CFAP44: variants seen among roughly 807,000 people sequenced by gnomAD.
CFAP44 encodes cilia and flagella associated protein 44.
CFAP44 carries 134 observed loss-of-function variants against 216.2 expected under a neutral mutation model. That is an observed-to-expected ratio of 0.62 (90% confidence interval 0.54 to 0.72). CFAP44 has a LOEUF of 0.72. Ranked by LOEUF, CFAP44 falls within the 30% of genes least tolerant of loss-of-function variation. CFAP44 has a pLI of 0.00. For synonymous variants in CFAP44, 700 were observed against 727.6 expected (o/e 0.96, Z 0.61); for missense variants, 2,035 against 2,182.1 (o/e 0.93, Z 1.34).
intron 32 of CFAP44, among the ~76,000 whole-genome samples, chr3:113,303,577 T>C (rs1265204101): frequency 6.6e-6 from 1 of 152,186 alleles, no homozygotes; most frequent in Non-Finnish European, 1.5e-5. Flanking sequence ...AGCCACAGAA[T>C]TGCATTAGAA....
intron 18 of CFAP44, among the ~76,000 whole-genome samples, chr3:113,367,320 C>A (rs1932978140): frequency 6.6e-6 from 1 of 152,230 alleles, no homozygotes; most frequent in Admixed American, 6.5e-5. Flanking sequence ...CCAACAGACA[C>A]CTCATACAGG....
intron 22 of CFAP44, among the ~76,000 whole-genome samples, chr3:113,356,250 T>C (rs994180290): frequency 2.6e-5 from 4 of 151,034 alleles, no homozygotes; most frequent in African/African-American, 9.7e-5. Context: ...TAAGATAATA[T>C]TTATTATTTA....
At chr3:113,363,343 A>C (rs1379363343) in intron 20 of CFAP44, 36 bp from the exon 21 acceptor site, 2 of 1,584,744 alleles carry the variant, frequency 1.3e-6, no homozygotes, top group Non-Finnish European at 1.7e-6. Context: ...ACAGGTTGTG[A>C]TACAGAAACA....
At chr3:113,380,824 G>A (rs966602640) in intron 16 of CFAP44, 75 bp downstream of exon 16, 12 of 1,234,872 alleles carry the variant, frequency 9.7e-6, no homozygotes, top group Non-Finnish European at 1.2e-5. Flanking sequence ...TATTCCATCA[G>A]CACTTAACAT....
At position 113,330,339 on chromosome 3, in the gene CFAP44, C is replaced by G; in HGVS notation, c.3945G>C (p.Gly1315=). Residue 1315 remains glycine (G), a synonymous_variant, in exon 26 of 35, where the codon GGG becomes GGC. Coordinates refer to ENST00000393845, the MANE Select transcript of CFAP44 (RefSeq NM_001164496.2). ...ATATTGAATCACGGGTTGTCAAATC[C>G]CCATCCTTTCTAGAAGAGAGTTTGA... ...GFLKLSSRKD[G]DLTTRDSISR... The G allele has an allele frequency of 6.5e-7, 1 of 1,537,154 alleles. No individual in the cohort carries two copies. Among genetic ancestry groups the G allele is most frequent in the Non-Finnish European group, 8.7e-7 (1 of 1,146,874 alleles).
At chr3:113,348,103 T>C (rs574251988) in intron 22 of CFAP44, among the ~76,000 whole-genome samples, 6 of 152,270 alleles carry the variant, frequency 3.9e-5, no homozygotes, top group South Asian at 2.1e-4. Context: ...CCAGGGACCA[T>C]TGCAGGTTCT....
chr3:113,401,315 T>C (rs1187205626), intron 10 of CFAP44, 28 bp from the exon 11 acceptor site: 2 of 1,561,788 alleles, frequency 1.3e-6, no homozygotes, highest in African/African-American at 2.8e-5. Context: ...TATTTTGTTT[T>C]ATCATTTTAA....
chr3:113,418,851 C>T (rs375920426), intron 5 of CFAP44, among the ~76,000 whole-genome samples: 7 of 151,922 alleles, frequency 4.6e-5, no homozygotes, highest in African/African-American at 1.2e-4. Context: ...ATTACAGGCG[C>T]GTGCCACCAT....
At chr3:113,408,258 G>C (rs907200717) in intron 7 of CFAP44, among the ~76,000 whole-genome samples, 1 of 152,172 alleles carries the variant, frequency 6.6e-6, no homozygotes, top group East Asian at 1.9e-4. Flanking sequence ...GAAAGAGAGA[G>C]AAAGACAAGA....
chr3:113,341,149 G>A (rs902361647), intron 24 of CFAP44, among the ~76,000 whole-genome samples: 2 of 152,180 alleles, frequency 1.3e-5, no homozygotes, highest in African/African-American at 2.4e-5. Context: ...ATAGGCCCAG[G>A]ATAGGGGCAT....
intron 2 of CFAP44, among the ~76,000 whole-genome samples, chr3:113,429,418 G>A (rs1417793713): frequency 6.6e-6 from 1 of 151,870 alleles, no homozygotes; most frequent in East Asian, 1.9e-4. Flanking sequence ...TATTTTATCT[G>A]GTATTAATAT....
At chr3:113,427,485 G>T in intron 2 of CFAP44, 146 bp from the exon 3 acceptor site, 1 of 606,874 alleles carries the variant, frequency 1.6e-6, no homozygotes, top group Non-Finnish European at 2.8e-6. Context: ...ATTTTATTTG[G>T]TCAGTCTTGT....
Position 113,379,512 on chromosome 3 carries a change from A to G in CFAP44, c.2092T>C (p.Leu698=). ...CTTTCTTCCCTTATTTTCTCCTTCAACTCCCTTTGTCTCTCCCTCTTTTCA... is the reference window on the plus strand; with the variant it reads ...CTTTCTTCCCTTATTTTCTCCTTCAGCTCCCTTTGTCTCTCCCTCTTTTCA... The part of the protein sequence containing the change: ...EIEKRERQRE[L]KEKIREERRN... The change falls in exon 17 of 35, where the codon TTG becomes CTG. Residue 698 remains leucine, a synonymous_variant. Transcript: ENST00000393845. 1 of 1,599,658 alleles carries G rather than the reference A, an allele frequency of 6.3e-7. No individual in the cohort carries two copies. Among genetic ancestry groups the G allele is most frequent in the Non-Finnish European group, 8.6e-7 (1 of 1,168,510 alleles).
At chr3:113,412,365 G>A (rs889643108) in intron 6 of CFAP44, among the ~76,000 whole-genome samples, 37 of 151,670 alleles carry the variant, frequency 2.4e-4, no homozygotes, top group Middle Eastern at 3.2e-3. Context: ...GGTCTGGATC[G>A]GGACCCCTTT....
At chr3:113,305,971 A>G (rs1451609654) in intron 30 of CFAP44, among the ~76,000 whole-genome samples, 1 of 152,138 alleles carries the variant, frequency 6.6e-6, no homozygotes, top group East Asian at 1.9e-4. Context: ...TTTTTTACTT[A>G]TACAGTCATC....
intron 18 of CFAP44, among the ~76,000 whole-genome samples, chr3:113,366,996 C>T (rs562740834): frequency 6.6e-6 from 1 of 151,686 alleles, no homozygotes; most frequent in African/African-American, 2.4e-5. Context: ...GAGGCTGCAG[C>T]CCGGCGGGTG....
chr3:113,362,948 A>G lies in CFAP44; in HGVS notation c.2934+197T>C, dbSNP rs1045776816. 13 of 1,303,802 alleles carry G rather than the reference A, an allele frequency of 1.0e-5. No individual in the cohort carries two copies. In the Admixed American group the frequency reaches 2.7e-4, roughly 27 times the overall value. The allele number at this position is 1,303,802 out of a possible 1,614,324, so 80.8% of individuals were successfully genotyped here. A position where few individuals can be genotyped will look rare whatever the true frequency, so the allele number is the denominator to read the frequency against. On this transcript the variant is annotated intron_variant, in intron 21 of 34. Transcript: ENST00000393845. ...TTGATGTAAAACAATTTGTGTCAAC[A>G]AGAATCTTAACTGATTAAAAGGGAT...
chr3:113,343,244 G>C (rs1030077928), intron 23 of CFAP44, among the ~76,000 whole-genome samples: 1 of 151,684 alleles, frequency 6.6e-6, no homozygotes, highest in Non-Finnish European at 1.5e-5. Context: ...GTATTTTTTA[G>C]TAGAGATGGG....
intron 15 of CFAP44, among the ~76,000 whole-genome samples, chr3:113,394,085 A>G (rs1363283205): frequency 1.3e-5 from 2 of 152,252 alleles, no homozygotes; most frequent in South Asian, 2.1e-4. Context: ...AAAAGATAGT[A>G]CAGAGAGGTA....
Sources: gnomAD v4.1 joint callset for allele counts (sites outside exome capture counted in the v4.1 genomes callset) on GRCh38, gnomAD v4.1.1 for gene constraint, MANE v1.5 for transcripts, NCBI Gene and HGNC (gene_info 2026-07-23, HGNC 2026-07-21) for gene names.